BTBD19: variants seen among roughly 807,000 people sequenced by gnomAD.
The protein encoded by BTBD19 is BTB domain containing 19.
Under a neutral mutation model 36.1 loss-of-function variants are expected in BTBD19, and 20 were observed. The observed-to-expected ratio is 0.55, with a 90% CI of 0.39 to 0.80. BTBD19 has a LOEUF of 0.80. Ranked by LOEUF, BTBD19 falls within the 30% of genes least tolerant of loss-of-function variation. The pLI is 0.00. For missense variants in BTBD19, 325 were observed against 389.8 expected (o/e 0.83, Z 1.40); for synonymous variants, 157 against 174.3 (o/e 0.90, Z 0.78).
downstream of BTBD19, chr1:44,814,154 CT>C (rs773819353): frequency 2.0e-5 from 2 of 100,726 alleles, no homozygotes; most frequent in Non-Finnish European, 3.9e-5. Context: ...CTTTCTCTTT[CT>C]TTCTTTCTTT....
rs751794823 is a variant in BTBD19 at position 44,810,324 on chromosome 1, C to A, written c.198C>A (p.Pro66=). 1.3e-6 allele frequency: 2 copies of A among 1,551,706 alleles called. No individual in the cohort carries two copies. The highest frequency in any genetic ancestry group is 1.4e-5 in the African/African-American group (1 of 73,064). The stretch of plus-strand genomic sequence containing the variant: ...GACTTCTGGGCACAGAGCCAGGCCC[C>A]GGGGTGCCCAGTCCTGTGGTGCTAA... The change falls in exon 2 of 8, where the codon CCC becomes CCA. Residue 66 remains proline (P), a synonymous_variant. Transcript: ENST00000450269. The surrounding 1 kb of genome is among the most constrained non-coding windows in gnomAD (Gnocchi z 4.2).
In BTBD19 at chr1:44,813,865, T is replaced by G; in HGVS notation, c.*93T>G. 6.6e-7 allele frequency: 1 copy of G among 1,507,438 alleles called. No individual in the cohort carries two copies. The highest frequency in any genetic ancestry group is 9.0e-7 in the Non-Finnish European group (1 of 1,111,118). The allele number at this position is 1,507,438 out of a possible 1,614,324, so 93.4% of individuals were successfully genotyped here. ...GAAGTGCTCGGCGTTCGGAGCGGGC[T>G]TCCGTTCCCAGCGTGCCCAGTGAGC... On this transcript the variant is annotated 3_prime_UTR_variant, in exon 8 of 8. Coordinates refer to ENST00000450269, the Ensembl canonical transcript of BTBD19. The surrounding 1 kb of genome is among the most constrained non-coding windows in gnomAD (Gnocchi z 7.8).
chr1:44,814,196 T>TTCTTTCTTTCTTTCTTTCTTTCTTTCTC (rs1557635613), downstream of BTBD19: 1 of 152,742 alleles, frequency 6.5e-6, no homozygotes, highest in African/African-American at 2.9e-5. Flanking sequence ...CTTTCTTTCT[T>TTCTTTCTTTCTTTCTTTCTTTCTTTCTC]TCTTTCTTTC....
In BTBD19 at chr1:44,813,055, CCA is replaced by C. The variant is rs780319952; in HGVS notation, c.477_478del (p.His159GlnfsTer33). 6.4e-6 allele frequency: 10 copies of C among 1,551,444 alleles called. No homozygotes were observed. Among genetic ancestry groups the C allele is most frequent in the Non-Finnish European group, 7.0e-6 (8 of 1,146,814 alleles). On this transcript the variant is annotated frameshift_variant, in exon 5 of 8. Coordinates refer to ENST00000450269, the Ensembl canonical transcript of BTBD19. LOFTEE classifies it high-confidence loss of function. The surrounding 1 kb of genome is among the most constrained non-coding windows in gnomAD (Gnocchi z 7.8). ...AGCGCTGCGTGGCTTTCATAGAGGC[CCA>C]CAGCCAGGTACTGCTCCCTTCATAC... is the stretch of plus-strand genomic sequence containing the variant.
At chr1:44,815,573 CTTTATTTA>C (rs112309146), downstream of BTBD19, 3 of 151,454 alleles carry the variant, frequency 2.0e-5, no homozygotes, top group Admixed American at 1.3e-4. Context: ...AAGTAAATGA[CTTTATTTA>C]TTTATTTATG....
At chr1:44,812,622 G>C (rs112451153) in intron 4 of BTBD19, 38 of 394,854 alleles carry the variant, frequency 9.6e-5, no homozygotes, top group African/African-American at 7.5e-4. Context: ...GCTTGAACCC[G>C]GGAGGCAGAG....
At chr1:44,808,579 T>C (rs1056132694) in exon 1 of BTBD19, 5 of 386,364 alleles carry the variant, frequency 1.3e-5, no homozygotes, top group African/African-American at 6.3e-5. Flanking sequence ...CCCAGGACCA[T>C]AGGCCACTCC....
rs1251015676 is a variant in BTBD19, at chr1:44,814,088, C to A, written c.*316C>A. The A allele has an allele frequency of 1.2e-5, 6 of 519,556 alleles. No homozygotes were observed. The East Asian group carries it at 2.1e-4, about 18-fold the overall frequency. 32.2% of individuals were successfully genotyped at this position (519,556 alleles called of 1,614,324 possible). A position where few individuals can be genotyped will look rare whatever the true frequency, so the allele number is the denominator to read the frequency against. Reference sequence around the variant, plus strand: ...GGGCATTGTCGTCTACTAGTCTATTCTGATGACTCCCACATATCTATCTGT... The same window carrying A: ...GGGCATTGTCGTCTACTAGTCTATTATGATGACTCCCACATATCTATCTGT... On this transcript the variant is annotated 3_prime_UTR_variant, in exon 8 of 8. Coordinates refer to ENST00000450269, the Ensembl canonical transcript of BTBD19.
In BTBD19 at chr1:44,808,674, C is replaced by T. The variant is rs1214048173; in HGVS notation, c.-147C>T. The stretch of plus-strand genomic sequence containing the variant: ...CTGATGCCTTCAGGAGCTTGGGCCT[C>T]TCCTGCTCCACTCCTAAACTTCAGC... On this transcript the variant is annotated 5_prime_UTR_variant, in exon 1 of 8. Transcript: ENST00000450269. 54 of 575,490 alleles carry T rather than the reference C, an allele frequency of 9.4e-5. No individual in the cohort carries two copies. In the East Asian group the frequency reaches 1.6e-3, roughly 17 times the overall value. The allele number at this position is 575,490 out of a possible 1,614,324, so 35.6% of individuals were successfully genotyped here.
At chr1:44,814,559 T>A (rs1235915104), downstream of BTBD19, 1 of 146,694 alleles carries the variant, frequency 6.8e-6, no homozygotes, top group Non-Finnish European at 1.5e-5. Context: ...CGGCCTTTTT[T>A]TTTTTTTTTT....
downstream of BTBD19, chr1:44,814,212 T>TTTC (rs1652614304): frequency 9.1e-6 from 1 of 109,306 alleles, no homozygotes; most frequent in Admixed American, 9.4e-5. Flanking sequence ...CTTTCTTTCT[T>TTTC]TTTCTTTCTT....
chr1:44,810,406 G>A lies in BTBD19; in HGVS notation c.280G>A (p.Val94Ile). 6.4e-7 allele frequency: 1 copy of A among 1,551,560 alleles called. No homozygotes were observed. The highest frequency in any genetic ancestry group is 8.7e-7 in the Non-Finnish European group (1 of 1,146,896). ...GCTGGAGTTCCTATATACCAACAGT[G>A]TCAAGCTGTACCGCCACTCTGTGAG... The change falls in exon 2 of 8, where the codon GTC becomes ATC. Residue 94 changes from valine (V) to isoleucine (I), a missense_variant. By Grantham distance (29) the Val-to-Ile change is conservative. Coordinates refer to ENST00000450269, the Ensembl canonical transcript of BTBD19. The surrounding 1 kb of genome is among the most constrained non-coding windows in gnomAD (Gnocchi z 4.2).
intron 4 of BTBD19, 89 bp downstream of exon 4, chr1:44,812,187 TG>T: frequency 2.9e-6 from 3 of 1,024,692 alleles, no homozygotes; most frequent in Non-Finnish European, 4.1e-6. Flanking sequence ...CTGCTGTGTC[TG>T]GCCTGGAAAT....
chr1:44,810,588 G>T lies in BTBD19; in HGVS notation c.335G>T (p.Gly112Val). The change falls in exon 3 of 8, where the codon GGG becomes GTG. Residue 112 changes from glycine (G) to valine (V), a missense_variant. Physicochemically the swap from Gly to Val is moderately radical, Grantham distance 109 (BLOSUM62 -3). Coordinates refer to ENST00000450269, the Ensembl canonical transcript of BTBD19. The surrounding 1 kb of genome is among the most constrained non-coding windows in gnomAD (Gnocchi z 4.2). ...GTGCTGACAGCGGCTGTGGAGTATGGGCTGGAGGAACTGAGAGAGGTGGGT... is the reference window on the plus strand; with the variant it reads ...GTGCTGACAGCGGCTGTGGAGTATGTGCTGGAGGAACTGAGAGAGGTGGGT... 1 of 1,548,062 alleles carries T rather than the reference G, an allele frequency of 6.5e-7. No individual in the cohort carries two copies. The highest frequency in any genetic ancestry group is 1.4e-5 in the African/African-American group (1 of 73,066).
At position 44,813,120 on chromosome 1, in the gene BTBD19, C is replaced by A. The variant is rs994906710; in HGVS notation, c.484-18C>A. The A allele has an allele frequency of 1.3e-6, 2 of 1,541,786 alleles. No individual in the cohort carries two copies. Among genetic ancestry groups the A allele is most frequent in the African/African-American group, 2.8e-5 (2 of 70,400 alleles). ...GCACCGCATTCTGCTCCTCCCTGAC[C>A]CATTTGCCGGCTCGCAGGAGGCCCT... On this transcript the variant is annotated intron_variant, in intron 5 of 7. Coordinates refer to ENST00000450269, the Ensembl canonical transcript of BTBD19. This position sits in a 1 kb window ranked among gnomAD's most constrained non-coding sequence, Gnocchi z 7.8.
exon 1 of BTBD19, chr1:44,808,693 C>T (rs1450154193): frequency 1.1e-5 from 7 of 653,824 alleles, no homozygotes; most frequent in South Asian, 2.1e-5. Context: ...CACTCCTAAA[C>T]TTCAGCTTCT....
chr1:44,814,148 CTCTTTCTTTCTT>C (rs1553163473), downstream of BTBD19: 2,966 of 159,274 alleles, frequency 0.019, 32 homozygotes, highest in African/African-American at 0.026. Context: ...CTTTTTCTTT[CTCTTTCTTTCTT>C]TCTTTCTTTC....
Position 44,813,700 on chromosome 1 carries a change from C to T in BTBD19, c.804C>T (p.Gly268=). 1.3e-6 allele frequency: 2 copies of T among 1,551,414 alleles called. No individual in the cohort carries two copies. Among genetic ancestry groups the T allele is most frequent in the Non-Finnish European group, 1.7e-6 (2 of 1,146,834 alleles). The stretch of plus-strand genomic sequence containing the variant: ...TGCGGAGAGGGGATGAGGCCCGGGG[C>T]GCCCCGTGTCGCCGCCGGAGAGGCA... Residue 268 remains glycine (G), a synonymous_variant, in exon 8 of 8, where the codon GGC becomes GGT. Coordinates refer to ENST00000450269, the Ensembl canonical transcript of BTBD19. The surrounding 1 kb of genome is among the most constrained non-coding windows in gnomAD (Gnocchi z 7.8).
downstream of BTBD19, chr1:44,815,444 C>A (rs1298957259): frequency 6.6e-6 from 1 of 152,228 alleles, no homozygotes; most frequent in East Asian, 1.9e-4. Flanking sequence ...ATTCACTATA[C>A]ATCTTGTTTT....
Sources: allele counts gnomAD v4.1 joint callset, GRCh38; gene constraint gnomAD v4.1.1; non-coding constraint Gnocchi (gnomAD v3.1); transcripts MANE v1.5; gene names NCBI Gene and HGNC (gene_info 2026-07-23, HGNC 2026-07-21).